Variants in RAB6A observed in about 807,000 individuals in gnomAD.
RAB6A encodes the protein RAB6A, member RAS oncogene family, also known as ras-related protein Rab-6A.
In RAB6A, 8 loss-of-function variants were observed where a neutral mutation model predicts 32.3. That is an observed-to-expected ratio of 0.25 (90% CI 0.15 to 0.45). The LOEUF is 0.45. RAB6A is among the 20% of genes least tolerant of loss of function. The probability of loss-of-function intolerance (pLI) is 1.00; values close to 1 mark genes in which losing one functional copy is unlikely to be tolerated. For synonymous variants in RAB6A, 73 were observed against 82.1 expected (o/e 0.89, Z 0.60); for missense variants, 104 against 249.4 (o/e 0.42, Z 3.93).
In RAB6A at chr11:73,693,863, CA is replaced by C. The variant is rs535750100; in HGVS notation, c.495+13556del. Among the ~76,000 whole-genome samples the C allele has an allele frequency of 1.5e-3, 209 of 137,504 alleles. 1 individual carries two copies. Among genetic ancestry groups the C allele is most frequent in the Admixed American group, 1.6e-3 (22 of 13,602 alleles). 90.2% of individuals were successfully genotyped at this position (137,504 alleles called of 152,430 possible). A position where few individuals can be genotyped will look rare whatever the true frequency, so the allele number is the denominator to read the frequency against. On this transcript the variant is annotated intron_variant, in intron 6 of 7. Transcript: ENST00000336083. ...ATTGCACTCCAGCTTGAGACTGTTT[CA>C]AAAAAAAAAAAGCTAGGTAAGAGTA...
In RAB6A at chr11:73,693,863, C is replaced by CA. The variant is rs535750100; in HGVS notation, c.495+13556dup. 8.3e-3 allele frequency among the ~76,000 whole-genome samples: 1,144 copies of CA among 137,728 alleles called. 20 individuals carry two copies. Among genetic ancestry groups the CA allele is most frequent in the African/African-American group, 0.028 (1,043 of 37,710 alleles). The allele number at this position is 137,728 out of a possible 152,430, so 90.4% of individuals were successfully genotyped here. On this transcript the variant is annotated intron_variant, in intron 6 of 7. Transcript: ENST00000336083. ...ATTGCACTCCAGCTTGAGACTGTTT[C>CA]AAAAAAAAAAAAGCTAGGTAAGAGT...
intron 6 of RAB6A, among the ~76,000 whole-genome samples, chr11:73,697,313 T>A (rs1169564448): frequency 1.3e-5 from 2 of 152,086 alleles, no homozygotes; most frequent in Non-Finnish European, 2.9e-5. Flanking sequence ...CTTACCCTAC[T>A]TTATTTTTCT....
intron 6 of RAB6A, among the ~76,000 whole-genome samples, chr11:73,704,633 T>C (rs1200830943): frequency 1.1e-4 from 17 of 150,186 alleles, no homozygotes; most frequent in African/African-American, 3.9e-4. Context: ...TGCAGTGAGC[T>C]GAGATCGTGC....
chr11:73,707,896 G>C (rs541445979), intron 5 of RAB6A, among the ~76,000 whole-genome samples: 7 of 152,124 alleles, frequency 4.6e-5, no homozygotes, highest in African/African-American at 1.7e-4. Context: ...AAAAGAAAAA[G>C]CTAAAAACAA....
At position 73,720,790 on chromosome 11, in the gene RAB6A, T is replaced by C. The variant is rs937572897; in HGVS notation, c.183+56A>G. ...GGTGACAATCATTGATAACTTTGATTGCAGTTTTCTAACCTGGAATGTTGC... is the reference window on the plus strand; with the variant it reads ...GGTGACAATCATTGATAACTTTGATCGCAGTTTTCTAACCTGGAATGTTGC... On this transcript the variant is annotated intron_variant, in intron 3 of 7. Coordinates refer to ENST00000336083, the MANE Select transcript of RAB6A (RefSeq NM_198896.2). 27 of 1,275,732 alleles carry C rather than the reference T, an allele frequency of 2.1e-5. No homozygotes were observed. In the African/African-American group the frequency reaches 3.3e-4, roughly 15 times the overall value. The allele number at this position is 1,275,732 out of a possible 1,614,324, so 79.0% of individuals were successfully genotyped here. A position where few individuals can be genotyped will look rare whatever the true frequency, so the allele number is the denominator to read the frequency against.
At chr11:73,727,285 G>A (rs998852843) in intron 2 of RAB6A, among the ~76,000 whole-genome samples, 5 of 151,924 alleles carry the variant, frequency 3.3e-5, no homozygotes, top group African/African-American at 9.7e-5. Context: ...AATTAGCTGG[G>A]AGTGGTGGCG....
chr11:73,722,321 ATATATATATATATATATATATATTTTTT>A (rs1946147752), intron 2 of RAB6A: 1 of 10,794 alleles, frequency 9.3e-5, no homozygotes, highest in African/African-American at 1.7e-4. Flanking sequence ...ATATATATAT[ATATATATATATATATATATATATTTTTT>A]TTTTTTTTTT....
At chr11:73,714,933 T>A (rs542289189) in intron 5 of RAB6A, among the ~76,000 whole-genome samples, 88 of 152,128 alleles carry the variant, frequency 5.8e-4, no homozygotes, top group Admixed American at 2.1e-3. Flanking sequence ...ACCACTGCAT[T>A]CCAGCCTGGG....
In RAB6A at chr11:73,730,654, A is replaced by C. The variant is rs1590871257; in HGVS notation, c.129+111T>G. On this transcript the variant is annotated intron_variant, in intron 2 of 7. Coordinates refer to ENST00000336083, the MANE Select transcript of RAB6A (RefSeq NM_198896.2). The stretch of plus-strand genomic sequence containing the variant: ...GTATTTATACAGCATTTTACAGATT[A>C]TAGAAAGTACTTTTACATCCACAAC... 4.8e-6 allele frequency: 4 copies of C among 830,478 alleles called. No homozygotes were observed. In the African/African-American group the frequency reaches 7.0e-5, roughly 14 times the overall value. 51.4% of individuals were successfully genotyped at this position (830,478 alleles called of 1,614,324 possible). A position where few individuals can be genotyped will look rare whatever the true frequency, so the allele number is the denominator to read the frequency against.
chr11:73,708,232 G>A (rs912541065), intron 5 of RAB6A, among the ~76,000 whole-genome samples: 7 of 152,176 alleles, frequency 4.6e-5, no homozygotes, highest in Non-Finnish European at 8.8e-5. Context: ...GCAATGGCGC[G>A]ATCTCAGCTC....
chr11:73,697,658 T>C (rs1945675663), intron 6 of RAB6A, among the ~76,000 whole-genome samples: 1 of 152,192 alleles, frequency 6.6e-6, no homozygotes, highest in Non-Finnish European at 1.5e-5. Flanking sequence ...CTACTTCATT[T>C]TTCTCTATAG....
At chr11:73,744,065 G>A (rs766370246) in intron 1 of RAB6A, among the ~76,000 whole-genome samples, 4 of 152,048 alleles carry the variant, frequency 2.6e-5, no homozygotes, top group Admixed American at 6.6e-5. Flanking sequence ...CTGGACGGGC[G>A]CAGTGGCTCA....
At chr11:73,687,612 T>G (rs141794276) in intron 6 of RAB6A, among the ~76,000 whole-genome samples, 58 of 152,300 alleles carry the variant, frequency 3.8e-4, no homozygotes, top group African/African-American at 1.2e-3. Context: ...TCCCAGCACT[T>G]TGGGAGGCCG....
intron 5 of RAB6A, 135 bp downstream of exon 5, chr11:73,716,116 T>C (rs1946048190): frequency 1.7e-6 from 1 of 581,710 alleles, no homozygotes; most frequent in South Asian, 2.5e-5. Context: ...GAGGTTCCCA[T>C]GCTAAAGAAA....
At chr11:73,708,053 T>A (rs1945878086) in intron 5 of RAB6A, among the ~76,000 whole-genome samples, 1 of 152,212 alleles carries the variant, frequency 6.6e-6, no homozygotes, top group South Asian at 2.1e-4. Flanking sequence ...ATATAACCAT[T>A]CCCAAACTAT....
chr11:73,726,823 A>C (rs187567962), intron 2 of RAB6A, among the ~76,000 whole-genome samples: 2 of 152,006 alleles, frequency 1.3e-5, no homozygotes, highest in Non-Finnish European at 2.9e-5. Context: ...TGGAGGAATT[A>C]ATGGGTTGAA....
intron 1 of RAB6A, among the ~76,000 whole-genome samples, chr11:73,738,973 AAACT>A (rs1211213106): frequency 6.6e-6 from 1 of 150,754 alleles, no homozygotes. Flanking sequence ...AAACTAAACT[AAACT>A]AATATTGGGG....
chr11:73,748,797 T>TC (rs1197321305), intron 1 of RAB6A, among the ~76,000 whole-genome samples: 1 of 151,970 alleles, frequency 6.6e-6, no homozygotes, highest in African/African-American at 2.4e-5. Context: ...TCCTCCTTCA[T>TC]CCCCCCAAAA....
At chr11:73,696,187 G>A (rs189957100) in intron 6 of RAB6A, among the ~76,000 whole-genome samples, 1 of 152,062 alleles carries the variant, frequency 6.6e-6, no homozygotes, top group Admixed American at 6.6e-5. Context: ...ATTATTTGTG[G>A]ACTTTTGACT....
Sources: allele counts gnomAD v4.1 joint callset (sites outside exome capture counted in the v4.1 genomes callset), GRCh38; gene constraint gnomAD v4.1.1; transcripts MANE v1.5; gene names NCBI Gene and HGNC (gene_info 2026-07-23, HGNC 2026-07-21).